IL1RAPL1: variants seen among roughly 807,000 people sequenced by gnomAD.
IL1RAPL1 encodes interleukin-1 receptor accessory protein-like 1.
IL1RAPL1 carries 3 observed loss-of-function variants against 48.4 expected under a neutral mutation model. The ratio of observed to expected loss-of-function variants is 0.06; its 90% CI spans 0.03 to 0.16. The LOEUF is 0.16. Among genes scored for constraint, IL1RAPL1 ranks in the 10% least tolerant of loss-of-function variants. IL1RAPL1 has a pLI of 1.00. For missense variants in IL1RAPL1, 349 were observed against 530.6 expected (o/e 0.66, Z 3.36); for synonymous variants, 185 against 187.7 (o/e 0.99, Z 0.12).
chrX:29,104,768 A>G (rs1325186558), intron 2 of IL1RAPL1, among the ~76,000 whole-genome samples: 2 of 111,330 alleles, frequency 1.8e-5, no homozygotes, highest in Admixed American at 1.9e-4. Context: ...ACCCACAAAA[A>G]AAAATTTAAG....
At chrX:29,787,598 G>A (rs756276941) in intron 6 of IL1RAPL1, among the ~76,000 whole-genome samples, 28 of 111,631 alleles carry the variant, frequency 2.5e-4, no homozygotes, top group Non-Finnish European at 4.1e-4. Context: ...ATTATGAGAT[G>A]CACAAAACCT....
rs771346751 is a variant in IL1RAPL1 at position 28,678,418 on chromosome X, CA to C, written c.-25+90372del. Among the ~76,000 whole-genome samples, 499 of 111,170 alleles carry C rather than the reference CA, an allele frequency of 4.5e-3. 2 individuals are homozygous for C. The highest frequency in any genetic ancestry group is 7.6e-3 in the Non-Finnish European group (404 of 53,052). ...GCAAGCACATAATTACATAAGCGAG[CA>C]CTGTTCACTGAAATGCCTGGTGGGA... On this transcript the variant is annotated intron_variant, in intron 1 of 10. Coordinates refer to ENST00000378993, the MANE Select transcript of IL1RAPL1 (RefSeq NM_014271.4).
chrX:29,248,064 G>A (rs899705184), intron 2 of IL1RAPL1, among the ~76,000 whole-genome samples: 9 of 111,708 alleles, frequency 8.1e-5, no homozygotes, highest in Non-Finnish European at 1.7e-4. Flanking sequence ...AAGTAATACA[G>A]TTCAAGGTGT....
chrX:28,605,951 G>A (rs888997710), intron 1 of IL1RAPL1, among the ~76,000 whole-genome samples: 2 of 110,573 alleles, frequency 1.8e-5, no homozygotes, highest in African/African-American at 3.3e-5. Context: ...TGGCTTACCT[G>A]TCATCTTCTC....
At chrX:28,758,475 A>G (rs1936129269) in intron 1 of IL1RAPL1, among the ~76,000 whole-genome samples, 1 of 111,860 alleles carries the variant, frequency 8.9e-6, no homozygotes, top group Non-Finnish European at 1.9e-5. Context: ...GAAAAACATT[A>G]CATGTAGTTG....
intron 2 of IL1RAPL1, among the ~76,000 whole-genome samples, chrX:28,793,096 C>T (rs1271419568): frequency 9.3e-6 from 1 of 107,020 alleles, no homozygotes; most frequent in Non-Finnish European, 1.9e-5. Context: ...CAATTTCATA[C>T]CTATTTTTTT....
intron 5 of IL1RAPL1, among the ~76,000 whole-genome samples, chrX:29,426,181 A>G (rs1934348367): frequency 8.9e-6 from 1 of 111,843 alleles, no homozygotes; most frequent in South Asian, 3.7e-4. Context: ...TTCATCTTCT[A>G]TAAATCATAT....
intron 2 of IL1RAPL1, among the ~76,000 whole-genome samples, chrX:28,972,114 A>C: frequency 9.0e-6 from 1 of 110,929 alleles, no homozygotes. Context: ...GAACTGTTGT[A>C]ATAACCTACT....
rs762647125 is a variant in IL1RAPL1, at chrX:29,021,137, C to G, written c.82+231712C>G. ...CTGAGGCAGGAGAATCACTTGAACC[C>G]GGGAGGTGGAGTTTGCAATAAGCCG... On this transcript the variant is annotated intron_variant, in intron 2 of 10. Coordinates refer to ENST00000378993, the MANE Select transcript of IL1RAPL1 (RefSeq NM_014271.4). Among the ~76,000 whole-genome samples, 7 of 104,009 alleles carry G rather than the reference C, an allele frequency of 6.7e-5. No homozygotes were observed. The East Asian group carries it at 1.5e-3, about 23-fold the overall frequency. The allele number at this position is 104,009 out of a possible 115,157, so 90.3% of individuals were successfully genotyped here. A position where few individuals can be genotyped will look rare whatever the true frequency, so the allele number is the denominator to read the frequency against.
chrX:28,900,051 G>A (rs1259984068), intron 2 of IL1RAPL1, among the ~76,000 whole-genome samples: 1 of 112,063 alleles, frequency 8.9e-6, no homozygotes, highest in African/African-American at 3.2e-5. Flanking sequence ...TTCATATTTA[G>A]CAACATGAAT....
In IL1RAPL1 at chrX:29,152,498, C is replaced by G. The variant is rs779664675; in HGVS notation, c.83-130440C>G. Among the ~76,000 whole-genome samples, 14 of 112,026 alleles carry G rather than the reference C, an allele frequency of 1.2e-4. No homozygotes were observed. In the East Asian group the frequency reaches 3.6e-3, roughly 29 times the overall value. ...AATGTTACCTATTTATGAAGACTCACACTGTGGGCATTTGTGATTACATAT... is the reference window on the plus strand; with the variant it reads ...AATGTTACCTATTTATGAAGACTCAGACTGTGGGCATTTGTGATTACATAT... On this transcript the variant is annotated intron_variant, in intron 2 of 10. Coordinates refer to ENST00000378993, the MANE Select transcript of IL1RAPL1 (RefSeq NM_014271.4).
chrX:28,999,438 G>A (rs1410294413), intron 2 of IL1RAPL1, among the ~76,000 whole-genome samples: 1 of 111,385 alleles, frequency 9.0e-6, no homozygotes, highest in African/African-American at 3.3e-5. Context: ...CAATCCCTGA[G>A]TTAATTTAGG....
chrX:28,602,144 A>G (rs1934035139), intron 1 of IL1RAPL1, among the ~76,000 whole-genome samples: 1 of 110,515 alleles, frequency 9.0e-6, no homozygotes, highest in Admixed American at 9.7e-5. Context: ...GGTATTTTTA[A>G]AAGACCAAGA....
intron 3 of IL1RAPL1, among the ~76,000 whole-genome samples, chrX:29,289,131 T>C (rs1177520917): frequency 8.9e-6 from 1 of 112,479 alleles, no homozygotes; most frequent in Non-Finnish European, 1.9e-5. Flanking sequence ...ACTCTGATGA[T>C]AGTTTCTTTT....
chrX:29,720,142 T>C (rs1927598384), intron 6 of IL1RAPL1, among the ~76,000 whole-genome samples: 1 of 111,916 alleles, frequency 8.9e-6, no homozygotes. Flanking sequence ...GGAATGCTTT[T>C]ACACTGTTGG....
At chrX:29,388,484 A>G (rs1225133966) in intron 3 of IL1RAPL1, among the ~76,000 whole-genome samples, 1 of 112,593 alleles carries the variant, frequency 8.9e-6, no homozygotes, top group Non-Finnish European at 1.9e-5. Flanking sequence ...ATGCATGTTC[A>G]TAGCAGCATT....
At position 29,875,992 on chromosome X, in the gene IL1RAPL1, T is replaced by A. The variant is rs140839389; in HGVS notation, c.779-41472T>A. Among the ~76,000 whole-genome samples, 604 of 111,074 alleles carry A rather than the reference T, an allele frequency of 5.4e-3. 3 individuals are homozygous for A. Among genetic ancestry groups the A allele is most frequent in the African/African-American group, 0.02 (592 of 30,307 alleles). ...GACAGTATGTGTATATTAGTGATGT[T>A]GTGAGAATTAAATGACTGATATAAT... On this transcript the variant is annotated intron_variant, in intron 6 of 10. Transcript: ENST00000378993.
chrX:29,049,062 G>A (rs1927036301), intron 2 of IL1RAPL1, among the ~76,000 whole-genome samples: 1 of 112,185 alleles, frequency 8.9e-6, no homozygotes, highest in African/African-American at 3.2e-5. Flanking sequence ...GGGTGTTTGT[G>A]ACACATGCTT....
intron 1 of IL1RAPL1, among the ~76,000 whole-genome samples, chrX:28,610,741 G>C (rs1934137266): frequency 9.0e-6 from 1 of 110,878 alleles, no homozygotes; most frequent in African/African-American, 3.3e-5. Flanking sequence ...AGAAGTCACT[G>C]TTGCTCAAAC....
Sources: gnomAD v4.1 joint callset for allele counts (sites outside exome capture counted in the v4.1 genomes callset) on GRCh38, gnomAD v4.1.1 for gene constraint, MANE v1.5 for transcripts, NCBI Gene and HGNC (gene_info 2026-07-23, HGNC 2026-07-21) for gene names.